The following PPM1L variants were observed in gnomAD, a reference collection of about 807,000 sequenced individuals.
PPM1L encodes protein phosphatase 1L.
In PPM1L, 13 loss-of-function variants were observed where a neutral mutation model predicts 31.4. The observed-to-expected ratio is 0.41, with a 90% confidence interval of 0.27 to 0.66. PPM1L has a LOEUF of 0.66. PPM1L is among the 30% of genes least tolerant of loss of function. PPM1L has a pLI of 0.29. For missense variants in PPM1L, 326 were observed against 453.7 expected, an observed-to-expected ratio of 0.72 and a Z score of 2.56; for synonymous variants, 184 against 175.4, an observed-to-expected ratio of 1.05 and a Z score of -0.39.
intron 1 of PPM1L, among the ~76,000 whole-genome samples, chr3:160,827,016 C>A (rs1713371675): frequency 1.3e-5 from 2 of 152,080 alleles, no homozygotes; most frequent in South Asian, 2.1e-4. Flanking sequence ...TACAAAAGAA[C>A]AATTATGGAT....
At chr3:161,025,116 T>C (rs1476008160) in intron 2 of PPM1L, among the ~76,000 whole-genome samples, 1 of 152,194 alleles carries the variant, frequency 6.6e-6, no homozygotes, top group Admixed American at 6.5e-5. Context: ...TACCCTGCCA[T>C]TCCAGAAGTC....
intron 1 of PPM1L, among the ~76,000 whole-genome samples, chr3:160,796,165 G>C (rs16831471): frequency 0.12 from 18,901 of 152,166 alleles, 2,128 homozygotes; most frequent in African/African-American, 0.3. Context: ...ATGATGTCTG[G>C]TCAAATGCCC....
At chr3:161,024,877 A>G (rs1182375726) in intron 2 of PPM1L, among the ~76,000 whole-genome samples, 1 of 152,150 alleles carries the variant, frequency 6.6e-6, no homozygotes, top group Non-Finnish European at 1.5e-5. Context: ...CAAGGCTGCT[A>G]GTTTTCAAGG....
rs74546965 is a variant in PPM1L at position 160,986,759 on chromosome 3, T to A, written c.574+24849T>A. 8.7e-3 allele frequency among the ~76,000 whole-genome samples: 1,323 copies of A among 152,308 alleles called. 28 individuals carry two copies. Among genetic ancestry groups the A allele is most frequent in the African/African-American group, 0.03 (1,229 of 41,562 alleles). On this transcript the variant is annotated intron_variant, in intron 2 of 3. Coordinates refer to ENST00000498165, the MANE Select transcript of PPM1L (RefSeq NM_139245.4). ...ATTTTTATCTTGCTTTGTTTTTTAA[T>A]TCATACTTCAGAGTCTCTTTCAGCT...
At chr3:160,800,120 GC>G (rs1712379692) in intron 1 of PPM1L, among the ~76,000 whole-genome samples, 5 of 152,162 alleles carry the variant, frequency 3.3e-5, no homozygotes, top group Admixed American at 3.3e-4. Flanking sequence ...TTTAAAAACA[GC>G]TAAATTGTTT....
intron 1 of PPM1L, among the ~76,000 whole-genome samples, chr3:160,782,105 C>T (rs1711763015): frequency 1.3e-5 from 2 of 152,022 alleles, no homozygotes; most frequent in Admixed American, 1.3e-4. Flanking sequence ...ACTTCTAGAG[C>T]ATTCTCTTCA....
At chr3:160,769,444 A>G (rs1715191230) in intron 1 of PPM1L, among the ~76,000 whole-genome samples, 1 of 152,186 alleles carries the variant, frequency 6.6e-6, no homozygotes, top group South Asian at 2.1e-4. Flanking sequence ...GAGCTGAGAC[A>G]TAAATTTGGT....
Position 160,963,363 on chromosome 3 carries a change from G to A in PPM1L, c.574+1453G>A, listed in dbSNP as rs1171755378. Among the ~76,000 whole-genome samples, 6 of 152,168 alleles carry A rather than the reference G, an allele frequency of 3.9e-5. No individual in the cohort carries two copies. In the South Asian group the frequency reaches 8.3e-4, roughly 21 times the overall value. ...TGTTGAATGCACGGCAATATACTAG[G>A]TTGTTGAAGGAAAGAGAAAAGCAGT... is the stretch of plus-strand genomic sequence containing the variant. On this transcript the variant is annotated intron_variant, in intron 2 of 3. Transcript: ENST00000498165.
intron 1 of PPM1L, among the ~76,000 whole-genome samples, chr3:160,937,445 C>G (rs569874881): frequency 1.3e-5 from 2 of 152,016 alleles, no homozygotes. Context: ...AGGGTGAAAC[C>G]CCGTCTCTAC....
intron 1 of PPM1L, among the ~76,000 whole-genome samples, chr3:160,799,435 A>T (rs1223202415): frequency 6.6e-6 from 1 of 152,232 alleles, no homozygotes; most frequent in African/African-American, 2.4e-5. Flanking sequence ...GGCTCAGTTG[A>T]TTATCAGCAT....
intron 1 of PPM1L, among the ~76,000 whole-genome samples, chr3:160,827,688 CTCTA>C (rs1713398497): frequency 6.6e-6 from 1 of 151,254 alleles, no homozygotes; most frequent in Non-Finnish European, 1.5e-5. Context: ...CCTCTGCATA[CTCTA>C]TCTAATTGAC....
rs1028106909 is a variant in PPM1L, at chr3:161,077,690, T to G, written c.*8533T>G. ...CACAATTATTTCCTGATTTCAAATA[T>G]GAACAGAAGACTAAATGTCATTTTT... On this transcript the variant is annotated 3_prime_UTR_variant, in exon 4 of 4. Transcript: ENST00000498165. 2.6e-5 allele frequency: 4 copies of G among 152,222 alleles called. No individual in the cohort carries two copies. The highest frequency in any genetic ancestry group is 9.6e-5 in the African/African-American group (4 of 41,468). The allele number at this position is 152,222 out of a possible 1,614,324, so 9.4% of individuals were successfully genotyped here.
chr3:161,008,966 G>T (rs1717798730), intron 2 of PPM1L, among the ~76,000 whole-genome samples: 1 of 152,158 alleles, frequency 6.6e-6, no homozygotes, highest in Non-Finnish European at 1.5e-5. Flanking sequence ...GATGAGACCA[G>T]CTAGAGAGTA....
chr3:160,911,422 C>T (rs532748329), intron 1 of PPM1L, among the ~76,000 whole-genome samples: 8 of 152,172 alleles, frequency 5.3e-5, no homozygotes, highest in Non-Finnish European at 1.2e-4. Flanking sequence ...ACCTTCTTAG[C>T]AAATGCACCT....
At chr3:160,923,675 C>A (rs1464307126) in intron 1 of PPM1L, among the ~76,000 whole-genome samples, 1 of 152,190 alleles carries the variant, frequency 6.6e-6, no homozygotes, top group Non-Finnish European at 1.5e-5. Context: ...GTTTCCTCTT[C>A]AGTCATCCCT....
At chr3:160,760,517 A>G (rs944174499) in intron 1 of PPM1L, among the ~76,000 whole-genome samples, 2 of 152,210 alleles carry the variant, frequency 1.3e-5, no homozygotes, top group Non-Finnish European at 2.9e-5. Flanking sequence ...TGGATGGTTC[A>G]CAGTGTGTGT....
chr3:160,925,194 G>A (rs1423310124), intron 1 of PPM1L, among the ~76,000 whole-genome samples: 1 of 152,128 alleles, frequency 6.6e-6, no homozygotes, highest in Non-Finnish European at 1.5e-5. Context: ...AACAGCCGCT[G>A]CTCTACAACT....
intron 1 of PPM1L, among the ~76,000 whole-genome samples, chr3:160,848,495 C>G (rs1041589510): frequency 2.6e-5 from 4 of 152,182 alleles, no homozygotes; most frequent in African/African-American, 7.2e-5. Flanking sequence ...CCCACATCTT[C>G]TTATATCAAC....
intron 1 of PPM1L, among the ~76,000 whole-genome samples, chr3:160,790,606 T>G (rs1712076314): frequency 6.6e-6 from 1 of 152,048 alleles, no homozygotes; most frequent in Admixed American, 6.6e-5. Context: ...TGTGTTGTAG[T>G]GGAGATACTC....
Sources: gnomAD v4.1 joint callset for allele counts (sites outside exome capture counted in the v4.1 genomes callset) on GRCh38, gnomAD v4.1.1 for gene constraint, MANE v1.5 for transcripts, NCBI Gene and HGNC (gene_info 2026-07-23, HGNC 2026-07-21) for gene names.